NAV2: variants seen among roughly 807,000 people sequenced by gnomAD.
NAV2 encodes helicase, APC down-regulated 1.
In NAV2, 54 loss-of-function variants were observed where a neutral mutation model predicts 223.2. The observed-to-expected ratio is 0.24, with a 90% CI of 0.19 to 0.30. The LOEUF (loss-of-function observed/expected upper bound fraction) is 0.30, where lower values mean the gene tolerates loss of function less well. NAV2 is among the 10% of genes least tolerant of loss of function. The pLI, the probability that NAV2 is intolerant of heterozygous loss-of-function variation, is 1.00. For synonymous variants in NAV2, 1,279 were observed against 1,239.3 expected (o/e 1.03, Z -0.67); for missense variants, 2,806 against 3,147.5 (o/e 0.89, Z 2.60).
intron 1 of NAV2, among the ~76,000 whole-genome samples, chr11:19,830,018 A>T (rs1436703681): frequency 6.6e-6 from 1 of 152,098 alleles, no homozygotes; most frequent in Non-Finnish European, 1.5e-5. Flanking sequence ...CAAGGCCAGG[A>T]ATTAGAGACC....
intron 20 of NAV2, among the ~76,000 whole-genome samples, chr11:20,064,941 A>G (rs1189286413): frequency 5.9e-5 from 9 of 152,202 alleles, no homozygotes; most frequent in African/African-American, 2.4e-5. Context: ...AGGCCCCTAC[A>G]ATCTCTGACA....
chr11:19,773,984 CT>C lies in NAV2; in HGVS notation c.268-58498del, dbSNP rs1387649960. Among the ~76,000 whole-genome samples the C allele has an allele frequency of 2.0e-5, 3 of 152,312 alleles. No homozygotes were observed. The East Asian group carries it at 5.8e-4, about 29-fold the overall frequency. On this transcript the variant is annotated intron_variant, in intron 1 of 37. Coordinates refer to ENST00000349880, the MANE Select transcript of NAV2 (RefSeq NM_145117.5). ...TAGAGTGTCCTTTACAGCAATCTTG[CT>C]TGTCCCAGCCTACCAAATAACCCCA...
chr11:19,474,494 A>C (rs1211312465), intron 1 of NAV2, among the ~76,000 whole-genome samples: 1 of 152,234 alleles, frequency 6.6e-6, no homozygotes, highest in Non-Finnish European at 1.5e-5. Context: ...ATGGTTTATA[A>C]ACAGGAAACA....
chr11:19,886,535 C>A (rs1441789484), intron 5 of NAV2, among the ~76,000 whole-genome samples: 2 of 152,196 alleles, frequency 1.3e-5, no homozygotes, highest in South Asian at 4.1e-4. Context: ...CAAACTGGTC[C>A]CTTCTCAGTT....
intron 1 of NAV2, among the ~76,000 whole-genome samples, chr11:19,379,517 C>T (rs1848760600): frequency 6.6e-6 from 1 of 152,132 alleles, no homozygotes; most frequent in African/African-American, 2.4e-5. Flanking sequence ...TGTTCTGAAG[C>T]AGATACCTGA....
intron 1 of NAV2, among the ~76,000 whole-genome samples, chr11:19,555,474 G>C (rs572830792): frequency 2.1e-4 from 32 of 152,302 alleles, no homozygotes; most frequent in Non-Finnish European, 4.4e-4. Flanking sequence ...GCTCACCACA[G>C]CATCCACTCC....
At chr11:19,891,156 G>A (rs987326856) in intron 5 of NAV2, among the ~76,000 whole-genome samples, 5 of 152,164 alleles carry the variant, frequency 3.3e-5, no homozygotes, top group African/African-American at 7.2e-5. Flanking sequence ...AATGCTTCCA[G>A]ACTGTAGACT....
chr11:19,815,401 T>C (rs1248410097), intron 1 of NAV2, among the ~76,000 whole-genome samples: 1 of 152,238 alleles, frequency 6.6e-6, no homozygotes, highest in East Asian at 1.9e-4. Context: ...CTCACTGCCC[T>C]GTGGAAGAGA....
intron 11 of NAV2, among the ~76,000 whole-genome samples, chr11:19,989,848 C>A (rs2051151855): frequency 6.6e-6 from 1 of 152,080 alleles, no homozygotes; most frequent in South Asian, 2.1e-4. Context: ...TGTCTGATCA[C>A]CCCCCAAATC....
At chr11:19,861,345 C>G (rs888866345) in intron 3 of NAV2, among the ~76,000 whole-genome samples, 1 of 149,168 alleles carries the variant, frequency 6.7e-6, no homozygotes, top group African/African-American at 2.4e-5. Flanking sequence ...GAGGAGGAAA[C>G]GGAAAGCAGA....
In NAV2 at chr11:19,465,050, A is replaced by G. The variant is rs114826026; in HGVS notation, c.75+114023A>G. Among the ~76,000 whole-genome samples, 664 of 152,282 alleles carry G rather than the reference A, an allele frequency of 4.4e-3. 5 individuals are homozygous for G. The highest frequency in any genetic ancestry group is 0.015 in the African/African-American group (634 of 41,558). ...ATAGCACTGTTTTGAAGGGGCTCCT[A>G]TGCAGTAGTTCTGTTTCTATGGATT... On this transcript the variant is annotated intron_variant, in intron 1 of 37. Coordinates refer to the NAV2 transcript ENST00000360655.
chr11:19,794,963 G>A (rs1174501095), intron 1 of NAV2, among the ~76,000 whole-genome samples: 1 of 152,164 alleles, frequency 6.6e-6, no homozygotes, highest in African/African-American at 2.4e-5. Context: ...CGAAATTAAT[G>A]ATTTAACTTA....
At chr11:19,823,523 TA>T (rs1408462614) in intron 1 of NAV2, among the ~76,000 whole-genome samples, 4 of 151,986 alleles carry the variant, frequency 2.6e-5, no homozygotes, top group African/African-American at 9.7e-5. Context: ...CTTATTTTTG[TA>T]GAGACAGGGT....
At chr11:19,884,647 A>C (rs73437693) in intron 5 of NAV2, among the ~76,000 whole-genome samples, 221 of 152,270 alleles carry the variant, frequency 1.5e-3, no homozygotes, top group African/African-American at 5.2e-3. Flanking sequence ...CTTTGTCATC[A>C]GACTCCATTC....
rs553833367 is a variant in NAV2, at chr11:19,368,664, C to T, written c.75+17637C>T. On this transcript the variant is annotated intron_variant, in intron 1 of 37. Transcript: ENST00000360655. ...ACTTATTATATATCAGGAACTGTTACGGTTTATATTTTATAACTAAAGGAC... is the reference window on the plus strand; with the variant it reads ...ACTTATTATATATCAGGAACTGTTATGGTTTATATTTTATAACTAAAGGAC... Among the ~76,000 whole-genome samples, 4 of 152,240 alleles carry T rather than the reference C, an allele frequency of 2.6e-5. No homozygotes were observed. The South Asian group carries it at 6.2e-4, about 24-fold the overall frequency.
chr11:19,529,751 C>CA (rs1340604162), intron 1 of NAV2, among the ~76,000 whole-genome samples: 4 of 152,216 alleles, frequency 2.6e-5, no homozygotes, highest in Admixed American at 1.3e-4. Flanking sequence ...CTGAGCCCCT[C>CA]ACACAGTAAC....
intron 1 of NAV2, among the ~76,000 whole-genome samples, chr11:19,735,334 A>C (rs1006724313): frequency 2.6e-5 from 4 of 152,110 alleles, no homozygotes; most frequent in African/African-American, 9.7e-5. Flanking sequence ...GGTACTAGAG[A>C]GTCTGCATTT....
chr11:19,578,256 G>A (rs905618547), intron 1 of NAV2, among the ~76,000 whole-genome samples: 4 of 152,218 alleles, frequency 2.6e-5, no homozygotes, highest in Admixed American at 6.5e-5. Flanking sequence ...AACGCTGCGC[G>A]TGCTGCTGTA....
Position 20,049,738 on chromosome 11 carries a change from G to T in NAV2, c.4371-98G>T, listed in dbSNP as rs2057788708. ...TTCTGCATATAGGGAAGAAAGCGAG[G>T]ATCAGCATGGGGAATGAAAAAAATG... On this transcript the variant is annotated intron_variant, in intron 15 of 37. Coordinates refer to ENST00000349880, the MANE Select transcript of NAV2 (RefSeq NM_145117.5). The T allele has an allele frequency of 3.5e-6, 4 of 1,159,382 alleles. No individual in the cohort carries two copies. The African/African-American group carries it at 6.1e-5, about 18-fold the overall frequency. 71.8% of individuals were successfully genotyped at this position (1,159,382 alleles called of 1,614,324 possible).
Sources: allele counts gnomAD v4.1 joint callset (sites outside exome capture counted in the v4.1 genomes callset), GRCh38; gene constraint gnomAD v4.1.1; transcripts MANE v1.5; gene names NCBI Gene and HGNC (gene_info 2026-07-23, HGNC 2026-07-21).